DPH6: variants seen among roughly 807,000 people sequenced by gnomAD.
DPH6 encodes diphthamine biosynthesis 6.
In DPH6, 33 loss-of-function variants were observed where a neutral mutation model predicts 38.2. The ratio of observed to expected loss-of-function variants is 0.86; its 90% confidence interval spans 0.65 to 1.15. DPH6 has a LOEUF of 1.15. Among genes scored for constraint, DPH6 ranks in the 50% most tolerant of loss-of-function variants. DPH6 has a pLI of 0.00. For missense variants in DPH6, 325 were observed against 320.0 expected, an observed-to-expected ratio of 1.02 and a Z score of -0.12; for synonymous variants, 108 against 103.0, an observed-to-expected ratio of 1.05 and a Z score of -0.30.
chr15:35,177,575 A>G, the DPH6 span, among the ~76,000 whole-genome samples: 1 of 117,370 alleles, frequency 8.5e-6, no homozygotes. Flanking sequence ...CAAAGATCCC[A>G]TCTCCAAAAA....
intron 3 of DPH6, among the ~76,000 whole-genome samples, chr15:35,516,129 C>G (rs1343066011): frequency 1.3e-5 from 2 of 152,138 alleles, no homozygotes; most frequent in Non-Finnish European, 2.9e-5. Context: ...GCAGCTGATA[C>G]ATTAAGTACT....
intron 6 of DPH6, among the ~76,000 whole-genome samples, chr15:35,395,639 T>G (rs979487732): frequency 6.6e-6 from 1 of 152,200 alleles, no homozygotes; most frequent in African/African-American, 2.4e-5. Flanking sequence ...CACCCATCCT[T>G]CAAATCAGTT....
intron 5 of DPH6, among the ~76,000 whole-genome samples, chr15:35,418,054 T>C (rs1316475941): frequency 6.6e-6 from 1 of 152,086 alleles, no homozygotes; most frequent in Non-Finnish European, 1.5e-5. Context: ...TTGGAAAAGA[T>C]TTTTCTTTTT....
chr15:35,521,463 AT>A, intron 3 of DPH6: 1 of 1,189,542 alleles, frequency 8.4e-7, no homozygotes, highest in Non-Finnish European at 1.0e-6. Flanking sequence ...ATTGCTTTTC[AT>A]TGATCTAACA....
intron 3 of DPH6, among the ~76,000 whole-genome samples, chr15:35,324,895 T>C (rs1317766223): frequency 6.6e-6 from 1 of 152,138 alleles, no homozygotes; most frequent in African/African-American, 2.4e-5. Flanking sequence ...GTGAAACAAT[T>C]ATAAGTTTAA....
At chr15:35,446,117 G>T (rs960160946) in intron 5 of DPH6, among the ~76,000 whole-genome samples, 1 of 151,898 alleles carries the variant, frequency 6.6e-6, no homozygotes, top group Non-Finnish European at 1.5e-5. Flanking sequence ...CTGCAGCTGT[G>T]GTTGCCTGCA....
At chr15:35,254,104 C>A (rs550547756) in intron 3 of DPH6, among the ~76,000 whole-genome samples, 28 of 152,282 alleles carry the variant, frequency 1.8e-4, no homozygotes, top group Admixed American at 3.3e-4. Context: ...ATTATTAAGG[C>A]ACTATTTTAG....
intron 3 of DPH6, chr15:35,522,164 A>G (rs1352214651): frequency 2.5e-6 from 4 of 1,613,380 alleles, no homozygotes; most frequent in Non-Finnish European, 3.4e-6. Context: ...CTGTGAGTGC[A>G]CAGTTCATTT....
intron 3 of DPH6, among the ~76,000 whole-genome samples, chr15:35,307,086 C>A (rs1465875604): frequency 6.6e-6 from 1 of 152,058 alleles, no homozygotes; most frequent in Non-Finnish European, 1.5e-5. Context: ...ATTTAAAAAG[C>A]TGTAATCTAG....
chr15:35,366,267 C>A (rs930483243), downstream of DPH6, among the ~76,000 whole-genome samples: 3 of 117,508 alleles, frequency 2.6e-5, no homozygotes, highest in Non-Finnish European at 5.1e-5. Context: ...TGTGTGTATA[C>A]ATATAAAATT....
intron 3 of DPH6, among the ~76,000 whole-genome samples, chr15:35,338,745 C>T (rs1161418342): frequency 9.9e-5 from 15 of 152,006 alleles, no homozygotes; most frequent in South Asian, 2.1e-4. Flanking sequence ...ATGTTTATTG[C>T]GGCACTATTC....
At chr15:35,325,509 A>G (rs1187239573) in intron 3 of DPH6, among the ~76,000 whole-genome samples, 2 of 152,160 alleles carry the variant, frequency 1.3e-5, no homozygotes, top group Non-Finnish European at 2.9e-5. Flanking sequence ...TGCTGATTCC[A>G]TTGTATGTAC....
chr15:35,319,752 T>C (rs1342885914), intron 3 of DPH6, among the ~76,000 whole-genome samples: 3 of 151,694 alleles, frequency 2.0e-5, no homozygotes, highest in African/African-American at 7.3e-5. Flanking sequence ...GAAATATATG[T>C]ATTTCTTACA....
At chr15:35,368,394 A>G (rs1036132630), downstream of DPH6, among the ~76,000 whole-genome samples, 3 of 151,936 alleles carry the variant, frequency 2.0e-5, no homozygotes, top group Non-Finnish European at 2.9e-5. Flanking sequence ...TATGTCAGAT[A>G]GCCTTCCATT....
intron 3 of DPH6, among the ~76,000 whole-genome samples, chr15:35,533,616 A>G (rs1011925061): frequency 6.6e-6 from 1 of 151,806 alleles, no homozygotes; most frequent in Non-Finnish European, 1.5e-5. Flanking sequence ...GAATCTAGTT[A>G]TCTTTAGATT....
chr15:35,244,575 AT>A (rs766599415), intron 3 of DPH6, among the ~76,000 whole-genome samples: 3 of 152,280 alleles, frequency 2.0e-5, no homozygotes, highest in Non-Finnish European at 4.4e-5. Context: ...AGGTGAAAAG[AT>A]GAAAAGTTAA....
chr15:35,334,559 C>A (rs1351168652), intron 3 of DPH6, among the ~76,000 whole-genome samples: 1 of 152,014 alleles, frequency 6.6e-6, no homozygotes, highest in Non-Finnish European at 1.5e-5. Flanking sequence ...CTACCCCTAC[C>A]CCATGCCCCC....
chr15:35,434,291 G>A (rs1255490753), intron 5 of DPH6, among the ~76,000 whole-genome samples: 1 of 152,080 alleles, frequency 6.6e-6, no homozygotes, highest in Admixed American at 6.5e-5. Flanking sequence ...CAACTTTGAT[G>A]TTGATATTTT....
intron 3 of DPH6, among the ~76,000 whole-genome samples, chr15:35,260,571 T>A (rs1188544387): frequency 6.6e-6 from 1 of 151,644 alleles, no homozygotes. Flanking sequence ...ATCTGAAGAC[T>A]TCATTTATAA....
Sources: allele counts gnomAD v4.1 joint callset (sites outside exome capture counted in the v4.1 genomes callset), GRCh38; gene constraint gnomAD v4.1.1; transcripts MANE v1.5; gene names NCBI Gene and HGNC (gene_info 2026-07-23, HGNC 2026-07-21).